SRRD: variants seen among roughly 807,000 people sequenced by gnomAD.
SRRD encodes SRR1-like protein.
SRRD carries 28 observed loss-of-function variants against 30.7 expected under a neutral mutation model. The observed-to-expected ratio is 0.91, with a 90% CI of 0.68 to 1.25. The LOEUF is 1.25. Ranked by LOEUF, SRRD falls within the 50% of genes most tolerant of loss-of-function variation. The pLI, the probability that SRRD is intolerant of heterozygous loss-of-function variation, is 0.00. For synonymous variants in SRRD, 161 were observed against 159.6 expected, an observed-to-expected ratio of 1.01 and a Z score of -0.07; for missense variants, 415 against 417.3, an observed-to-expected ratio of 0.99 and a Z score of 0.05.
Position 26,494,566 on chromosome 22 carries a change from G to A in SRRD, c.*2894G>A. The A allele has an allele frequency of 8.4e-6, 6 of 710,072 alleles. No individual in the cohort carries two copies. Among genetic ancestry groups the A allele is most frequent in the East Asian group, 2.7e-5 (1 of 36,844 alleles). 44.0% of individuals were successfully genotyped at this position (710,072 alleles called of 1,614,324 possible). A position where few individuals can be genotyped will look rare whatever the true frequency, so the allele number is the denominator to read the frequency against. Reference sequence around the variant, plus strand: ...GGGATACCATATCCCCTACCCCATAGGGTTGCTGAGAGGAGCTGAGATAAA... The same window carrying A: ...GGGATACCATATCCCCTACCCCATAAGGTTGCTGAGAGGAGCTGAGATAAA... On this transcript the variant is annotated 3_prime_UTR_variant, in exon 7 of 7. Transcript: ENST00000215917.
At chr22:26,485,128 G>A (rs564550963) in intron 1 of SRRD, among the ~76,000 whole-genome samples, 1 of 152,282 alleles carries the variant, frequency 6.6e-6, no homozygotes, top group Admixed American at 6.5e-5. Context: ...AAAACTCAAG[G>A]CATTTTTCAT....
chr22:26,484,016 GGGGAGAGA>G lies in SRRD; in HGVS notation c.129_136del (p.Arg44GlyfsTer12). The G allele has an allele frequency of 7.1e-7, 1 of 1,414,768 alleles. No individual in the cohort carries two copies. Among genetic ancestry groups the G allele is most frequent in the South Asian group, 1.5e-5 (1 of 67,842 alleles). The allele number at this position is 1,414,768 out of a possible 1,614,324, so 87.6% of individuals were successfully genotyped here. On this transcript the variant is annotated frameshift_variant, in exon 1 of 7. Coordinates refer to ENST00000215917, the MANE Select transcript of SRRD (RefSeq NM_001013694.3). LOFTEE classifies it high-confidence loss of function. ...CCCGGGGGAGAGAGGCGGCGCCCCG[GGGGAGAGA>G]GGCGGCGCCCCGGGGCCCCGAGGCG...
In SRRD at chr22:26,490,097, T is replaced by A. The variant is rs747059462; in HGVS notation, c.663T>A (p.Cys221Ter). ...CTACCATCTTTTACATGCTCCATTG[T>A]GGGACGGCCTTGTACAACAATCTTT... ...GEPTIFYMLH[C>*]GTALYNNLLW... is the part of the protein sequence containing the mutation. Residue 221 changes from cysteine (C) to a stop codon, truncating the protein, a stop_gained, in exon 5 of 7, where the codon TGT becomes TGA. Transcript: ENST00000215917. LOFTEE classifies it high-confidence loss of function. The A allele has an allele frequency of 1.2e-6, 2 of 1,614,140 alleles. No homozygotes were observed. Among genetic ancestry groups the A allele is most frequent in the African/African-American group, 1.3e-5 (1 of 75,052 alleles).
Position 26,488,214 on chromosome 22 carries a change from A to G in SRRD, c.436A>G (p.Ile146Val). Residue 146 changes from isoleucine to valine, a missense_variant, in exon 3 of 7, where the codon ATT (isoleucine) becomes GTT (valine). Transcript: ENST00000215917. ...CCATTTGAAGTGTGTGTGTTACGGC[A>G]TTGGGAACTTTGCCACCTGCATCGT... ...TCHLKCVCYG[I>V]GNFATCIVAR... is the part of the protein sequence containing the mutation. 1 of 1,614,212 alleles carries G rather than the reference A, an allele frequency of 6.2e-7. No individual in the cohort carries two copies. The highest frequency in any genetic ancestry group is 8.5e-7 in the Non-Finnish European group (1 of 1,180,038).
chr22:26,490,743 T>C (rs1921062921), intron 5 of SRRD: 1 of 351,504 alleles, frequency 2.8e-6, no homozygotes, highest in Admixed American at 4.4e-5. Context: ...TTTTTATTTT[T>C]AGTAGAGATG....
intron 3 of SRRD, 35 bp from the exon 4 acceptor site, chr22:26,488,355 T>C: frequency 6.2e-7 from 1 of 1,613,790 alleles, no homozygotes; most frequent in South Asian, 1.1e-5. Flanking sequence ...CACAGATGTT[T>C]GGGTTGAAGT....
chr22:26,490,336 A>G, intron 5 of SRRD, 138 bp downstream of exon 5: 2 of 1,024,302 alleles, frequency 2.0e-6, no homozygotes, highest in Non-Finnish European at 2.8e-6. Context: ...ATGAAGGCTT[A>G]AAGACAGATG....
chr22:26,487,873 G>C, intron 2 of SRRD, 156 bp from the exon 3 acceptor site: 7 of 781,072 alleles, frequency 9.0e-6, no homozygotes, highest in Non-Finnish European at 1.4e-5. Context: ...GCATGTTTGG[G>C]AATGAGGCTG....
In SRRD at chr22:26,492,118, G is replaced by T. The variant is rs1421807217; in HGVS notation, c.*446G>T. On this transcript the variant is annotated 3_prime_UTR_variant, in exon 7 of 7. Transcript: ENST00000215917. Reference sequence around the variant, plus strand: ...CGATGTAGATCACAATGCGGCCAAAGGTGTAGAGCTGCTTCCCTTCGTGTC... The same window carrying T: ...CGATGTAGATCACAATGCGGCCAAATGTGTAGAGCTGCTTCCCTTCGTGTC... 1 of 1,614,202 alleles carries T rather than the reference G, an allele frequency of 6.2e-7. No homozygotes were observed. Among genetic ancestry groups the T allele is most frequent in the African/African-American group, 1.3e-5 (1 of 75,058 alleles).
At position 26,494,415 on chromosome 22, in the gene SRRD, CT is replaced by C; in HGVS notation, c.*2746del. 1 of 1,278,970 alleles carries C rather than the reference CT, an allele frequency of 7.8e-7. No individual in the cohort carries two copies. The highest frequency in any genetic ancestry group is 1.1e-6 in the Non-Finnish European group (1 of 892,396). The allele number at this position is 1,278,970 out of a possible 1,614,324, so 79.2% of individuals were successfully genotyped here. A position where few individuals can be genotyped will look rare whatever the true frequency, so the allele number is the denominator to read the frequency against. On this transcript the variant is annotated 3_prime_UTR_variant, in exon 7 of 7. Transcript: ENST00000215917. ...CTGGTCCTACAGGCTAGTGACACTACTTTACAGGGATTTATAGTAGCTAAAC... is the reference window on the plus strand; with the variant it reads ...CTGGTCCTACAGGCTAGTGACACTACTTACAGGGATTTATAGTAGCTAAAC...
chr22:26,489,540 G>C (rs183057577), intron 4 of SRRD, among the ~76,000 whole-genome samples: 3 of 152,106 alleles, frequency 2.0e-5, no homozygotes, highest in Admixed American at 1.3e-4. Context: ...GGAGAGGCAG[G>C]CCAGAGGTGG....
At chr22:26,490,704 C>T in intron 5 of SRRD, 1 of 285,310 alleles carries the variant, frequency 3.5e-6, no homozygotes, top group Non-Finnish European at 6.7e-6. Context: ...GCTGGGATTA[C>T]AGATGCACAC....
chr22:26,490,807 G>A (rs758871673), intron 5 of SRRD: 10 of 500,794 alleles, frequency 2.0e-5, no homozygotes, highest in South Asian at 8.0e-5. Flanking sequence ...CAAATGATCC[G>A]CCCGCCTCAG....
At chr22:26,490,559 CTTTTTTTTTTT>C (rs71192931) in intron 5 of SRRD, among the ~76,000 whole-genome samples, 3 of 51,834 alleles carry the variant, frequency 5.8e-5, no homozygotes, top group Non-Finnish European at 1.0e-4. Flanking sequence ...GGAATATTTG[CTTTTTTTTTTT>C]TTTTTTTTTT....
chr22:26,484,082 T>C lies in SRRD; in HGVS notation c.192T>C (p.Arg64=), dbSNP rs1429064812. ...EFESDSGVVL[R]RIWEAEKDLF... ...AGTCTGACAGCGGAGTCGTGCTTCG[T>C]CGCATCTGGGAGGCTGAGTGAGTGC... Residue 64 remains arginine (R), a synonymous_variant, in exon 1 of 7, where the codon CGT becomes CGC. Transcript: ENST00000215917. The C allele has an allele frequency of 1.3e-5, 20 of 1,499,262 alleles. No individual in the cohort carries two copies. The highest frequency in any genetic ancestry group is 1.8e-5 in the Non-Finnish European group (20 of 1,131,098). The allele number at this position is 1,499,262 out of a possible 1,614,324, so 92.9% of individuals were successfully genotyped here. A position where few individuals can be genotyped will look rare whatever the true frequency, so the allele number is the denominator to read the frequency against.
In SRRD at chr22:26,490,340, A is replaced by C. The variant is rs543388041; in HGVS notation, c.764+142A>C. The C allele has an allele frequency of 4.0e-6, 4 of 996,936 alleles. No homozygotes were observed. In the East Asian group the frequency reaches 1.1e-4, roughly 26 times the overall value. 61.8% of individuals were successfully genotyped at this position (996,936 alleles called of 1,614,324 possible). Reference sequence around the variant, plus strand: ...CAGGGAACTGGATGAAGGCTTAAAGACAGATGTCAAATCCTGATTCGAACT... The same window carrying C: ...CAGGGAACTGGATGAAGGCTTAAAGCCAGATGTCAAATCCTGATTCGAACT... On this transcript the variant is annotated intron_variant, in intron 5 of 6. Transcript: ENST00000215917.
Position 26,483,982 on chromosome 22 carries a change from AGGCGGCGCCCCGGGGGAGAG to A in SRRD, c.93_112del (p.Ala32GlyfsTer20). ...GCGGCTCGACGGCCGCGGCGGAGGG[AGGCGGCGCCCCGGGGGAGAG>A]AGGCGGCGCCCCGGGGGAGAGAGGC... On this transcript the variant is annotated frameshift_variant, in exon 1 of 7. Coordinates refer to ENST00000215917, the MANE Select transcript of SRRD (RefSeq NM_001013694.3). LOFTEE classifies it high-confidence loss of function. The A allele has an allele frequency of 1.3e-4, 7 of 54,472 alleles. No individual in the cohort carries two copies. Among genetic ancestry groups the A allele is most frequent in the Non-Finnish European group, 1.7e-4 (7 of 40,168 alleles). 3.4% of individuals were successfully genotyped at this position (54,472 alleles called of 1,614,324 possible). A position where few individuals can be genotyped will look rare whatever the true frequency, so the allele number is the denominator to read the frequency against.
intron 1 of SRRD, among the ~76,000 whole-genome samples, chr22:26,485,098 G>C (rs2091672827): frequency 6.6e-6 from 1 of 152,152 alleles, no homozygotes; most frequent in Non-Finnish European, 1.5e-5. Flanking sequence ...CAGTGAGAGT[G>C]AATGTGCCTA....
At position 26,491,032 on chromosome 22, in the gene SRRD, G is replaced by A; in HGVS notation, c.772G>A (p.Ala258Thr). The A allele has an allele frequency of 6.2e-7, 1 of 1,611,220 alleles. No homozygotes were observed. The highest frequency in any genetic ancestry group is 8.5e-7 in the Non-Finnish European group (1 of 1,179,032). The change falls in exon 6 of 7, where the codon GCA (alanine) becomes ACA (threonine). Residue 258 changes from alanine (A) to threonine (T), a missense_variant. By Grantham distance (58) the Ala-to-Thr change is moderately conservative (BLOSUM62 0). Coordinates refer to ENST00000215917, the MANE Select transcript of SRRD (RefSeq NM_001013694.3). ...GTTTTTTTTAATTTCTAGGTTGTTG[G>A]CAAGGATTCTGCAGAAAAATTATCC... ...SFKGLEERLLARILQKNYPYI... is the reference protein window; with the variant it reads ...SFKGLEERLLTRILQKNYPYI...
Sources: allele counts gnomAD v4.1 joint callset (sites outside exome capture counted in the v4.1 genomes callset), GRCh38; gene constraint gnomAD v4.1.1; transcripts MANE v1.5; gene names NCBI Gene and HGNC (gene_info 2026-07-23, HGNC 2026-07-21).